Variants in NFATC4 observed in about 807,000 individuals in gnomAD.
The protein encoded by NFATC4 is nuclear factor of activated T-cells, cytoplasmic 4.
NFATC4 carries 25 observed loss-of-function variants against 73.4 expected under a neutral mutation model. The observed-to-expected ratio is 0.34, with a 90% CI of 0.25 to 0.48. The LOEUF (loss-of-function observed/expected upper bound fraction) is 0.48, where lower values mean the gene tolerates loss of function less well. NFATC4 is among the 20% of genes least tolerant of loss of function. The pLI, the probability that NFATC4 is intolerant of heterozygous loss-of-function variation, is 0.99. For synonymous variants in NFATC4, 523 were observed against 510.3 expected (o/e 1.02, Z -0.34); for missense variants, 1,130 against 1,203.7 (o/e 0.94, Z 0.91).
intron 2 of NFATC4, 157 bp from the exon 3 acceptor site, chr14:24,372,284 C>A (rs749365367): frequency 7.5e-5 from 59 of 781,574 alleles, no homozygotes; most frequent in Middle Eastern, 3.8e-4. Flanking sequence ...AAAAAAAATT[C>A]TTTTTTCCCT....
chr14:24,369,460 T>C (rs770084710), intron 1 of NFATC4, 39 bp from the exon 2 acceptor site: 19 of 1,612,354 alleles, frequency 1.2e-5, no homozygotes, highest in Admixed American at 5.0e-5. Context: ...TGCTTCTCTC[T>C]TTCCCCCTCT....
Position 24,376,658 on chromosome 14 carries a change from G to A in NFATC4, c.2421G>A (p.Pro807=), listed in dbSNP as rs201562290. Reference sequence around the variant, plus strand: ...TCTCCCTGGGGCTGCCATTCTCTCCGCCAGCCCCCTTTCGGCCGCCTCCTC... The same window carrying A: ...TCTCCCTGGGGCTGCCATTCTCTCCACCAGCCCCCTTTCGGCCGCCTCCTC... The part of the protein sequence containing the change: ...SSFSLGLPFS[P]PAPFRPPPLP... The change falls in exon 9 of 10, where the codon CCG becomes CCA. Residue 807 remains proline, a synonymous_variant. Transcript: ENST00000250373. This position sits in a 1 kb window ranked among gnomAD's most constrained non-coding sequence, Gnocchi z 5.0. 24 of 1,613,120 alleles carry A rather than the reference G, an allele frequency of 1.5e-5. No individual in the cohort carries two copies. The East Asian group carries it at 2.2e-4, about 15-fold the overall frequency.
chr14:24,367,366 C>T, upstream of NFATC4: 1 of 1,536,208 alleles, frequency 6.5e-7, no homozygotes, highest in Non-Finnish European at 8.7e-7. Flanking sequence ...GAGATTCATT[C>T]CAGACTACAG....
chr14:24,372,996 T>C, intron 3 of NFATC4, 175 bp from the exon 4 acceptor site: 1 of 684,834 alleles, frequency 1.5e-6, no homozygotes, highest in South Asian at 1.9e-5. Flanking sequence ...AAAAACACTG[T>C]GAACTCCAGG....
At chr14:24,370,659 G>A in intron 2 of NFATC4, 65 bp downstream of exon 2, 1 of 1,541,738 alleles carries the variant, frequency 6.5e-7, no homozygotes, top group Non-Finnish European at 8.8e-7. Flanking sequence ...GGAGGGTCAA[G>A]GGATGGATTT....
intron 5 of NFATC4, 32 bp from the exon 6 acceptor site, chr14:24,374,294 C>T (rs776306580): frequency 1.9e-6 from 3 of 1,579,572 alleles, no homozygotes; most frequent in Non-Finnish European, 2.6e-6. Context: ...ATGCCCAGCC[C>T]AGCCAGTCCT....
rs2042495765 is a variant in NFATC4, at chr14:24,372,349, C to A, written c.1197-92C>A. On this transcript the variant is annotated intron_variant, in intron 2 of 9. Transcript: ENST00000250373. The stretch of plus-strand genomic sequence containing the variant: ...ATTTCTTCTGTGCTTTCCTTTCTCT[C>A]AGACCCATACCCCCTCCTCCCTCAC... 2.2e-6 allele frequency: 3 copies of A among 1,358,742 alleles called. No individual in the cohort carries two copies. The South Asian group carries it at 4.0e-5, about 18-fold the overall frequency. 84.2% of individuals were successfully genotyped at this position (1,358,742 alleles called of 1,614,324 possible).
chr14:24,370,084 A>G lies in NFATC4; in HGVS notation c.686A>G (p.Asp229Gly). ...RASPRPWTPE[D>G]PWSLYGPSPG... ...TCCCCTCGGCCATGGACCCCCGAAG[A>G]TCCCTGGAGCCTGTATGGTCCAAGC... The change falls in exon 2 of 10, where the codon GAT (aspartate) becomes GGT (glycine). Residue 229 changes from aspartate to glycine, a missense_variant. By Grantham distance (94) the Asp-to-Gly change is moderately conservative. Transcript: ENST00000250373. 3.1e-6 allele frequency: 5 copies of G among 1,604,946 alleles called. No homozygotes were observed. The highest frequency in any genetic ancestry group is 2.2e-5 in the East Asian group (1 of 44,846).
Position 24,370,504 on chromosome 14 carries a change from G to T in NFATC4, c.1106G>T (p.Arg369Leu). The T allele has an allele frequency of 6.2e-7, 1 of 1,614,136 alleles. No individual in the cohort carries two copies. The highest frequency in any genetic ancestry group is 8.5e-7 in the Non-Finnish European group (1 of 1,180,024). The change falls in exon 2 of 10, where the codon CGG (arginine) becomes CTG (leucine). Residue 369 changes from arginine to leucine, a missense_variant. Physicochemically the swap from Arg to Leu is moderately radical, Grantham distance 102. This residue lies in a region of NFATC4 where 585 missense variants were observed against 574.3 expected (regional missense o/e 1.02). Transcript: ENST00000250373. ...TCTGTGGCTCCTCCAGGAGGTTCCC[G>T]GAAGGAGGTGGCTGGCATGGACTAC... Reference protein sequence around the residue: ...EESVAPPGGSRKEVAGMDYLA... With the variant: ...EESVAPPGGSLKEVAGMDYLA...
upstream of NFATC4, chr14:24,368,096 G>A: frequency 8.4e-7 from 1 of 1,189,420 alleles, no homozygotes. Context: ...TGGAGGAGGG[G>A]CTGGAGCATC....
rs939191955 is a variant in NFATC4, at chr14:24,370,020, C to A, written c.622C>A (p.Arg208Ser). ...VESELNEAAS[R>S]FGLGSPLPSP... ...GTCTGAGCTAAATGAGGCGGCCTCC[C>A]GCTTTGGCCTGGGCTCCCCGCTGCC... The change falls in exon 2 of 10, where the codon CGC becomes AGC. Residue 208 changes from arginine to serine, a missense_variant. Physicochemically the swap from Arg to Ser is moderately radical, Grantham distance 110 (BLOSUM62 -1). Transcript: ENST00000250373. 2 of 1,612,056 alleles carry A rather than the reference C, an allele frequency of 1.2e-6. No individual in the cohort carries two copies. Among genetic ancestry groups the A allele is most frequent in the African/African-American group, 1.3e-5 (1 of 74,918 alleles).
chr14:24,371,555 T>C (rs938842870), intron 2 of NFATC4, among the ~76,000 whole-genome samples: 2 of 152,290 alleles, frequency 1.3e-5, no homozygotes, highest in Middle Eastern at 3.4e-3. Flanking sequence ...ACAGGATAAG[T>C]TGTCCCATCT....
intron 3 of NFATC4, 23 bp downstream of exon 3, chr14:24,372,626 G>C (rs1406175283): frequency 5.6e-6 from 9 of 1,613,520 alleles, no homozygotes; most frequent in Non-Finnish European, 6.8e-6. Flanking sequence ...CAGCAGGCCT[G>C]ATATCCTCTC....
Position 24,376,657 on chromosome 14 carries a change from C to G in NFATC4, c.2420C>G (p.Pro807Arg), listed in dbSNP as rs200885279. Residue 807 changes from proline (P) to arginine (R), a missense_variant, in exon 9 of 10, where the codon CCG becomes CGG. Around this residue, in one of 3 missense-constraint regions of NFATC4, gnomAD observed 390 missense variants for 408.1 expected, o/e 0.96. Transcript: ENST00000250373. This position sits in a 1 kb window ranked among gnomAD's most constrained non-coding sequence, Gnocchi z 5.0. ...SSFSLGLPFS[P>R]PAPFRPPPLP... ...TTCTCCCTGGGGCTGCCATTCTCTC[C>G]GCCAGCCCCCTTTCGGCCGCCTCCT... 1 of 1,613,410 alleles carries G rather than the reference C, an allele frequency of 6.2e-7. No individual in the cohort carries two copies.
chr14:24,377,099 G>A lies in NFATC4; in HGVS notation c.2641+221G>A. Reference sequence around the variant, plus strand: ...GGGTAACTGTCTCAGCCTTTCTCCTGTCTCTGCCTCTGTCCTCTGCTCCAA... The same window carrying A: ...GGGTAACTGTCTCAGCCTTTCTCCTATCTCTGCCTCTGTCCTCTGCTCCAA... On this transcript the variant is annotated intron_variant, in intron 9 of 9. Transcript: ENST00000250373. This position sits in a 1 kb window ranked among gnomAD's most constrained non-coding sequence, Gnocchi z 4.2. 1.5e-6 allele frequency: 2 copies of A among 1,320,180 alleles called. No homozygotes were observed. Among genetic ancestry groups the A allele is most frequent in the Non-Finnish European group, 9.6e-7 (1 of 1,040,880 alleles). 81.8% of individuals were successfully genotyped at this position (1,320,180 alleles called of 1,614,324 possible).
At chr14:24,367,684 C>G, upstream of NFATC4, 2 of 1,533,682 alleles carry the variant, frequency 1.3e-6, no homozygotes, top group South Asian at 2.4e-5. Flanking sequence ...GCCTTTTCCT[C>G]TTCCGAGCAA....
chr14:24,376,260 C>T lies in NFATC4; in HGVS notation c.2057-34C>T. On this transcript the variant is annotated intron_variant, in intron 8 of 9. Transcript: ENST00000250373. This position sits in a 1 kb window ranked among gnomAD's most constrained non-coding sequence, Gnocchi z 5.0. ...GCAGTGGGGAGACTACCAGACCTCT[C>T]ACCAGCATGTCCTCCCACTTCCTGT... The T allele has an allele frequency of 6.4e-7, 1 of 1,558,324 alleles. No individual in the cohort carries two copies. Among genetic ancestry groups the T allele is most frequent in the Admixed American group, 1.9e-5 (1 of 53,986 alleles).
chr14:24,368,297 C>A lies in NFATC4; in HGVS notation c.-44C>A, dbSNP rs1477963225. 2 of 1,375,150 alleles carry A rather than the reference C, an allele frequency of 1.5e-6. No individual in the cohort carries two copies. The highest frequency in any genetic ancestry group is 3.1e-5 in the African/African-American group (2 of 65,296). The allele number at this position is 1,375,150 out of a possible 1,614,324, so 85.2% of individuals were successfully genotyped here. A position where few individuals can be genotyped will look rare whatever the true frequency, so the allele number is the denominator to read the frequency against. On this transcript the variant is annotated 5_prime_UTR_variant, in exon 1 of 10. Coordinates refer to ENST00000250373, the MANE Select transcript of NFATC4 (RefSeq NM_004554.5). ...GAAGATACAGCAGCCTCCTGAACTC[C>A]CCCCTCCCACCCAGGCCGGGACCTG...
At position 24,376,406 on chromosome 14, in the gene NFATC4, C is replaced by G; in HGVS notation, c.2169C>G (p.Pro723=). The change falls in exon 9 of 10, where the codon CCC becomes CCG. Residue 723 remains proline (P), a synonymous_variant. Coordinates refer to ENST00000250373, the MANE Select transcript of NFATC4 (RefSeq NM_004554.5). This position sits in a 1 kb window ranked among gnomAD's most constrained non-coding sequence, Gnocchi z 5.0. The part of the protein sequence containing the change: ...MDFSPPRPPY[P]SYPHEDPACE... ...TCTCACCACCCAGGCCCCCCTACCC[C>G]TCCTATCCCCATGAAGACCCTGCTT... 1 of 1,613,704 alleles carries G rather than the reference C, an allele frequency of 6.2e-7. No homozygotes were observed. The highest frequency in any genetic ancestry group is 8.5e-7 in the Non-Finnish European group (1 of 1,179,818).
Sources: gnomAD v4.1 joint callset for allele counts (sites outside exome capture counted in the v4.1 genomes callset) on GRCh38, gnomAD v4.1.1 for gene constraint, gnomAD v4.1.1 regional missense constraint, Gnocchi (gnomAD v3.1) non-coding constraint, MANE v1.5 for transcripts, NCBI Gene and HGNC (gene_info 2026-07-23, HGNC 2026-07-21) for gene names.